The following AGT variants were observed in gnomAD, a reference collection of about 807,000 sequenced individuals.
The protein encoded by AGT is angiotensinogen, also known as alpha-1 antiproteinase, antitrypsin.
A neutral mutation model predicts 28.1 loss-of-function variants in AGT; 26 were observed. The ratio of observed to expected loss-of-function variants is 0.92; its 90% CI spans 0.68 to 1.28. The LOEUF (loss-of-function observed/expected upper bound fraction) is 1.28, where lower values mean the gene tolerates loss of function less well. Ranked by LOEUF, AGT falls within the 50% of genes most tolerant of loss-of-function variation. The probability of loss-of-function intolerance (pLI) is 0.00; values close to 1 mark genes in which losing one functional copy is unlikely to be tolerated. For missense variants in AGT, 596 were observed against 592.3 expected, an observed-to-expected ratio of 1.01 and a Z score of -0.06; for synonymous variants, 259 against 259.6, an observed-to-expected ratio of 1.00 and a Z score of 0.02.
upstream of AGT, among the ~76,000 whole-genome samples, chr1:230,718,050 T>C (rs1391335425): frequency 1.3e-5 from 2 of 152,136 alleles, no homozygotes; most frequent in Non-Finnish European, 2.9e-5. Context: ...AGAATCCTCC[T>C]GCCTCAGTCT....
At chr1:230,714,216 A>G (rs984982236), upstream of AGT, 1 of 152,302 alleles carries the variant, frequency 6.6e-6, no homozygotes, top group African/African-American at 2.4e-5. Flanking sequence ...GGAGGGTTAC[A>G]TCACTTGGCC....
At chr1:230,709,846 G>A in intron 2 of AGT, 149 bp downstream of exon 2, 1 of 1,173,316 alleles carries the variant, frequency 8.5e-7, no homozygotes, top group Non-Finnish European at 1.3e-6. Context: ...GGACCCAGCG[G>A]AGCAGCCACT....
At chr1:230,723,657 A>G (rs922008956) in intron 1 of AGT, among the ~76,000 whole-genome samples, 3 of 152,140 alleles carry the variant, frequency 2.0e-5, no homozygotes, top group Non-Finnish European at 2.9e-5. Context: ...TTTTTATTTT[A>G]TCATCTAATA....
chr1:230,733,153 C>T (rs996004377), intron 1 of AGT, among the ~76,000 whole-genome samples: 3 of 152,010 alleles, frequency 2.0e-5, no homozygotes, highest in Non-Finnish European at 2.9e-5. Flanking sequence ...CATGGTGGCG[C>T]ATGCCTGTAA....
rs1663276149 is a variant in AGT, at chr1:230,703,058, CG to C, written c.*82del. On this transcript the variant is annotated 3_prime_UTR_variant, in exon 5 of 5. Transcript: ENST00000366667. Reference sequence around the variant, plus strand: ...GGGGGTGACACATCGCTGATTTGTCCGGGGTTGTTATCTGCTGCTGGCCTTT... The same window carrying C: ...GGGGGTGACACATCGCTGATTTGTCCGGGTTGTTATCTGCTGCTGGCCTTT... 54 of 1,483,792 alleles carry C rather than the reference CG, an allele frequency of 3.6e-5. No homozygotes were observed. The South Asian group carries it at 6.2e-4, about 17-fold the overall frequency. 91.9% of individuals were successfully genotyped at this position (1,483,792 alleles called of 1,614,324 possible).
rs193028204 is a variant in AGT, at chr1:230,734,162, A to G, written c.-31+11353T>C. Among the ~76,000 whole-genome samples the G allele has an allele frequency of 2.6e-5, 4 of 152,350 alleles. No individual in the cohort carries two copies. In the East Asian group the frequency reaches 7.7e-4, roughly 29 times the overall value. On this transcript the variant is annotated intron_variant, in intron 1 of 4. Coordinates refer to the AGT transcript ENST00000681269. ...CTCAAGTGTCCACCAACAGATAAAT[A>G]GAAAGACAAAATATGACATATCCAT... is the stretch of plus-strand genomic sequence containing the variant.
At chr1:230,712,725 G>A (rs1225384199) in intron 1 of AGT, among the ~76,000 whole-genome samples, 1 of 152,234 alleles carries the variant, frequency 6.6e-6, no homozygotes, top group Non-Finnish European at 1.5e-5. Flanking sequence ...CCATTTTTGA[G>A]GCAGAGACTG....
At chr1:230,726,017 A>G (rs750634168) in intron 1 of AGT, among the ~76,000 whole-genome samples, 2 of 152,184 alleles carry the variant, frequency 1.3e-5, no homozygotes, top group Admixed American at 6.5e-5. Flanking sequence ...TGATCAATTC[A>G]CAATGTCTGG....
chr1:230,716,062 G>T (rs11568014), upstream of AGT, among the ~76,000 whole-genome samples: 8 of 152,146 alleles, frequency 5.3e-5, no homozygotes, highest in Admixed American at 5.2e-4. Context: ...AAATAATTTT[G>T]GTTAGATTGG....
intron 2 of AGT, among the ~76,000 whole-genome samples, chr1:230,708,727 G>C (rs913377196): frequency 6.6e-6 from 1 of 152,032 alleles, no homozygotes; most frequent in Non-Finnish European, 1.5e-5. Context: ...TGGATTTGCC[G>C]AGCTGCTCCC....
intron 1 of AGT, among the ~76,000 whole-genome samples, chr1:230,719,988 G>A (rs560952817): frequency 6.6e-6 from 1 of 152,286 alleles, no homozygotes; most frequent in East Asian, 1.9e-4. Flanking sequence ...CCCTGAGATG[G>A]CTTTAAGGCA....
At chr1:230,709,651 C>T (rs1663513027) in intron 2 of AGT, among the ~76,000 whole-genome samples, 2 of 152,198 alleles carry the variant, frequency 1.3e-5, no homozygotes, top group South Asian at 4.1e-4. Context: ...AGGACCCCCA[C>T]TGGTGGCTGT....
intron 2 of AGT, among the ~76,000 whole-genome samples, chr1:230,708,729 G>A (rs563465511): frequency 3.0e-4 from 45 of 152,194 alleles, no homozygotes; most frequent in South Asian, 4.2e-4. Context: ...GATTTGCCGA[G>A]CTGCTCCCTG....
At chr1:230,740,245 C>G (rs1664223579) in intron 1 of AGT, among the ~76,000 whole-genome samples, 2 of 152,186 alleles carry the variant, frequency 1.3e-5, no homozygotes, top group South Asian at 4.1e-4. Context: ...ACAGAGGTCA[C>G]TTTCATCGCC....
intron 1 of AGT, among the ~76,000 whole-genome samples, chr1:230,725,653 G>A (rs762551325): frequency 1.9e-4 from 29 of 152,200 alleles, no homozygotes; most frequent in Middle Eastern, 6.8e-3. Context: ...TATCTTTTGC[G>A]AAAACTGAGT....
chr1:230,703,255 C>T lies in AGT; in HGVS notation c.1317G>A (p.Lys439=). The change falls in exon 5 of 5, where the codon AAG becomes AAA. Residue 439 remains lysine, a synonymous_variant. Transcript: ENST00000366667. ...TCAGGGTCACCTCCAAGACCTCAGG[C>T]TTGTTAAGCTGTTGGGTAGACTCTG... ...EPTESTQQLN[K]PEVLEVTLNR... 2 of 1,614,202 alleles carry T rather than the reference C, an allele frequency of 1.2e-6. No individual in the cohort carries two copies.
intron 3 of AGT, among the ~76,000 whole-genome samples, chr1:230,705,093 G>T (rs190342991): frequency 3.3e-5 from 5 of 152,258 alleles, no homozygotes; most frequent in African/African-American, 1.2e-4. Flanking sequence ...GGGCCAAGGG[G>T]AAGGGGAAAT....
intron 1 of AGT, among the ~76,000 whole-genome samples, chr1:230,741,336 G>A (rs1664245713): frequency 6.6e-6 from 1 of 152,182 alleles, no homozygotes; most frequent in African/African-American, 2.4e-5. Context: ...GAAGCTATAG[G>A]CAGCTTGTGC....
chr1:230,711,472 C>CTT (rs1663588596), intron 1 of AGT, among the ~76,000 whole-genome samples: 1 of 152,140 alleles, frequency 6.6e-6, no homozygotes, highest in Non-Finnish European at 1.5e-5. Flanking sequence ...CAGATTAAGA[C>CTT]ATGCTCCTGC....
Sources: allele counts gnomAD v4.1 joint callset (sites outside exome capture counted in the v4.1 genomes callset), GRCh38; gene constraint gnomAD v4.1.1; transcripts MANE v1.5; gene names NCBI Gene and HGNC (gene_info 2026-07-23, HGNC 2026-07-21).